Variants in GRM5 observed in about 807,000 individuals in gnomAD.
GRM5 encodes glutamate metabotropic receptor 5.
GRM5 carries 19 observed loss-of-function variants against 83.1 expected under a neutral mutation model. The observed-to-expected ratio is 0.23, with a 90% CI of 0.16 to 0.34. The LOEUF (loss-of-function observed/expected upper bound fraction) is 0.34, where lower values mean the gene tolerates loss of function less well. Ranked by LOEUF, GRM5 falls within the 10% of genes least tolerant of loss-of-function variation. The pLI, the probability that GRM5 is intolerant of heterozygous loss-of-function variation, is 1.00. For synonymous variants in GRM5, 675 were observed against 633.6 expected (o/e 1.07, Z -0.98); for missense variants, 1,160 against 1,588.3 (o/e 0.73, Z 4.58).
At position 89,007,048 on chromosome 11, in the gene GRM5, T is replaced by C. The variant is rs372700060; in HGVS notation, c.661+40164A>G. On this transcript the variant is annotated intron_variant, in intron 2 of 9. Transcript: ENST00000305447. ...TCCTGACCTCGTGATCTGCCCGTCTTGGCCTCCCAAAGTGCTGGGATTACA... is the reference window on the plus strand; with the variant it reads ...TCCTGACCTCGTGATCTGCCCGTCTCGGCCTCCCAAAGTGCTGGGATTACA... Among the ~76,000 whole-genome samples, 742 of 152,252 alleles carry C rather than the reference T, an allele frequency of 4.9e-3. 7 individuals carry two copies. Among genetic ancestry groups the C allele is most frequent in the African/African-American group, 0.017 (703 of 41,568 alleles).
intron 3 of GRM5, among the ~76,000 whole-genome samples, chr11:88,742,224 T>A (rs1360350736): frequency 1.3e-4 from 19 of 151,932 alleles, no homozygotes; most frequent in Non-Finnish European, 2.8e-4. Flanking sequence ...GTAATAATAA[T>A]TATTTACATT....
intron 6 of GRM5, among the ~76,000 whole-genome samples, chr11:88,593,747 TCGCTCCCTCC>T (rs1937712154): frequency 1.4e-5 from 2 of 143,716 alleles, no homozygotes; most frequent in Non-Finnish European, 3.0e-5. Context: ...CCTCCCTCCT[TCGCTCCCTCC>T]CTCCTTCTCT....
At chr11:88,553,918 A>G (rs2135150914) in intron 8 of GRM5, among the ~76,000 whole-genome samples, 1 of 152,266 alleles carries the variant, frequency 6.6e-6, no homozygotes, top group East Asian at 1.9e-4. Context: ...TGCCTAATCC[A>G]AGATAGTCTA....
intron 7 of GRM5, among the ~76,000 whole-genome samples, chr11:88,581,548 A>C (rs1268578994): frequency 6.6e-6 from 1 of 152,222 alleles, no homozygotes; most frequent in African/African-American, 2.4e-5. Context: ...TGCAGCACAA[A>C]TTCTCAGCTG....
intron 7 of GRM5, among the ~76,000 whole-genome samples, chr11:88,571,536 A>C (rs772077668): frequency 6.6e-6 from 1 of 152,194 alleles, no homozygotes; most frequent in Non-Finnish European, 1.5e-5. Context: ...TGCGTATCAC[A>C]ATCACTTGGG....
chr11:88,534,009 C>A (rs2135121109), intron 8 of GRM5, among the ~76,000 whole-genome samples: 1 of 152,198 alleles, frequency 6.6e-6, no homozygotes, highest in African/African-American at 2.4e-5. Flanking sequence ...TGGTGTTGAG[C>A]CTGTGGGTAC....
chr11:88,761,333 G>A (rs1942510784), intron 3 of GRM5, among the ~76,000 whole-genome samples: 2 of 152,056 alleles, frequency 1.3e-5, no homozygotes, highest in Non-Finnish European at 2.9e-5. Context: ...TCCTTAAGCT[G>A]ATAAACAACT....
intron 9 of GRM5, 67 bp from the exon 10 acceptor site, chr11:88,509,571 C>G (rs1483953945): frequency 8.3e-7 from 1 of 1,206,628 alleles, no homozygotes; most frequent in Admixed American, 1.9e-5. Context: ...GCCGCTTCCC[C>G]AATGGTGGTT....
At chr11:88,650,835 C>G (rs1939612217) in intron 4 of GRM5, among the ~76,000 whole-genome samples, 1 of 151,830 alleles carries the variant, frequency 6.6e-6, no homozygotes, top group Admixed American at 6.6e-5. Context: ...ATTTTAAGTT[C>G]CAATGTTTAA....
Position 88,771,501 on chromosome 11 carries a change from G to T in GRM5, c.911+78405C>A, listed in dbSNP as rs1418995467. 2.0e-5 allele frequency among the ~76,000 whole-genome samples: 3 copies of T among 152,108 alleles called. No individual in the cohort carries two copies. The East Asian group carries it at 5.8e-4, about 29-fold the overall frequency. ...TCAAGGGCAAGAGGAACAGATGGGA[G>T]CATGTAGCATGGGAGAAAGATGAAA... On this transcript the variant is annotated intron_variant, in intron 3 of 9. Transcript: ENST00000305447.
At chr11:89,055,321 G>C (rs1397173146) in intron 1 of GRM5, among the ~76,000 whole-genome samples, 9 of 152,160 alleles carry the variant, frequency 5.9e-5, no homozygotes, top group Non-Finnish European at 1.2e-4. Flanking sequence ...CTACCCCAAA[G>C]AGTTTTAGTG....
chr11:88,760,737 TCA>T (rs1942494730), intron 3 of GRM5, among the ~76,000 whole-genome samples: 1 of 149,830 alleles, frequency 6.7e-6, no homozygotes, highest in Non-Finnish European at 1.5e-5. Flanking sequence ...TACCAAAATC[TCA>T]CAGAGATACA....
chr11:89,030,566 C>G (rs1391742285), intron 2 of GRM5, among the ~76,000 whole-genome samples: 1 of 151,866 alleles, frequency 6.6e-6, no homozygotes, highest in Non-Finnish European at 1.5e-5. Flanking sequence ...ATTGTAAGGA[C>G]TAAATAAAAT....
At position 88,846,290 on chromosome 11, in the gene GRM5, T is replaced by C. The variant is rs1345422038; in HGVS notation, c.911+3616A>G. ...CCCAGATCTAGAACAAGACAGTGTA[T>C]TCATTCTAGAAAATAAGCCCCTTAA... is the stretch of plus-strand genomic sequence containing the variant. On this transcript the variant is annotated intron_variant, in intron 3 of 9. Transcript: ENST00000305447. 3.3e-5 allele frequency among the ~76,000 whole-genome samples: 5 copies of C among 152,234 alleles called. 1 individual carries two copies. Among genetic ancestry groups the C allele is most frequent in the Admixed American group, 1.3e-4 (2 of 15,288 alleles).
chr11:88,998,617 A>C (rs1349362657), intron 2 of GRM5, among the ~76,000 whole-genome samples: 1 of 152,174 alleles, frequency 6.6e-6, no homozygotes, highest in East Asian at 1.9e-4. Flanking sequence ...AGGTAAAACT[A>C]AGATTAGAGA....
At chr11:89,064,787 C>T (rs1700898753) in intron 1 of GRM5, among the ~76,000 whole-genome samples, 1 of 150,682 alleles carries the variant, frequency 6.6e-6, no homozygotes. Context: ...CTTGTTCCTT[C>T]TACTACCCCA....
chr11:88,913,695 T>A (rs971146806), intron 2 of GRM5, among the ~76,000 whole-genome samples: 3 of 146,732 alleles, frequency 2.0e-5, no homozygotes, highest in Admixed American at 6.9e-5. Flanking sequence ...CAAGCAATCC[T>A]CCTGCCTCAG....
At chr11:88,656,393 G>A (rs1451610352) in intron 3 of GRM5, among the ~76,000 whole-genome samples, 2 of 152,058 alleles carry the variant, frequency 1.3e-5, no homozygotes, top group African/African-American at 4.8e-5. Context: ...TACAAATTTA[G>A]CTACTTGCTG....
intron 3 of GRM5, among the ~76,000 whole-genome samples, chr11:88,672,180 A>C (rs905749080): frequency 2.0e-5 from 3 of 148,334 alleles, no homozygotes; most frequent in African/African-American, 2.6e-5. Flanking sequence ...AGCTAACATT[A>C]AGTTATATTA....
Sources: gnomAD v4.1 joint callset for allele counts (sites outside exome capture counted in the v4.1 genomes callset) on GRCh38, gnomAD v4.1.1 for gene constraint, MANE v1.5 for transcripts, NCBI Gene and HGNC (gene_info 2026-07-23, HGNC 2026-07-21) for gene names.